The following USP42 variants were observed in gnomAD, a reference collection of about 807,000 sequenced individuals.
USP42 encodes ubiquitin specific peptidase 42, also known as ubiquitin carboxyl-terminal hydrolase 42.
USP42 carries 23 observed loss-of-function variants against 113.0 expected under a neutral mutation model. The observed-to-expected ratio is 0.20, with a 90% CI of 0.15 to 0.29. USP42 has a LOEUF of 0.29. Ranked by LOEUF, USP42 falls within the 10% of genes least tolerant of loss-of-function variation. USP42 has a pLI of 1.00. For missense variants in USP42, 2,174 were observed against 1,779.8 expected, an observed-to-expected ratio of 1.22 and a Z score of -3.99; for synonymous variants, 933 against 699.0, an observed-to-expected ratio of 1.33 and a Z score of -5.28.
chr7:6,106,988 A>C (rs1779318300), intron 1 of USP42, among the ~76,000 whole-genome samples: 1 of 152,260 alleles, frequency 6.6e-6, no homozygotes, highest in Non-Finnish European at 1.5e-5. Context: ...ACATGCAAGT[A>C]TATGAATCTT....
In USP42 at chr7:6,161,393, CTG is replaced by C. The variant is rs998933269; in HGVS notation, c.*877_*878del. ...GCATCAGGAGATGGAGTGGGGAAAA[CTG>C]TATTTAATACAGTTTGTATCTGAAT... On this transcript the variant is annotated 3_prime_UTR_variant, in exon 18 of 18. Coordinates refer to ENST00000306177, the MANE Select transcript of USP42 (RefSeq NM_032172.3). 1.1e-4 allele frequency: 17 copies of C among 152,538 alleles called. No individual in the cohort carries two copies. The highest frequency in any genetic ancestry group is 7.2e-4 in the Admixed American group (11 of 15,272). The allele number at this position is 152,538 out of a possible 1,614,324, so 9.4% of individuals were successfully genotyped here. A position where few individuals can be genotyped will look rare whatever the true frequency, so the allele number is the denominator to read the frequency against.
rs765114712 is a variant in USP42, at chr7:6,153,822, C to T, written c.2268C>T (p.Ala756=). 1 of 1,533,032 alleles carries T rather than the reference C, an allele frequency of 6.5e-7. No homozygotes were observed. 95.0% of individuals were successfully genotyped at this position (1,533,032 alleles called of 1,614,324 possible). ...RDAEPQPGSP[A]AESLEEPDAA... is the part of the protein sequence containing the mutation. The stretch of plus-strand genomic sequence containing the variant: ...CCGAGCCTCAGCCTGGCAGCCCCGC[C>T]GCCGAATCCCTGGAGGAGCCAGATG... Residue 756 remains alanine, a synonymous_variant, in exon 15 of 18, where the codon GCC becomes GCT. Coordinates refer to ENST00000306177, the MANE Select transcript of USP42 (RefSeq NM_032172.3).
chr7:6,082,686 C>T, the USP42 span, among the ~76,000 whole-genome samples: 1 of 139,642 alleles, frequency 7.2e-6, no homozygotes, highest in Admixed American at 7.5e-5. Context: ...TCTTGGCTCA[C>T]TGCAACATCT....
intron 3 of USP42, among the ~76,000 whole-genome samples, chr7:6,115,867 G>A (rs1043863981): frequency 6.6e-6 from 1 of 152,126 alleles, no homozygotes; most frequent in Non-Finnish European, 1.5e-5. Context: ...GAGAGACCGA[G>A]GAGAAAGGAT....
chr7:6,156,332 A>T (rs1407464677), intron 15 of USP42, among the ~76,000 whole-genome samples: 3 of 152,224 alleles, frequency 2.0e-5, no homozygotes, highest in Non-Finnish European at 4.4e-5. Context: ...TCCTCCCTGC[A>T]GTGTTTGTCC....
the USP42 span, among the ~76,000 whole-genome samples, chr7:6,090,673 C>T: frequency 6.8e-6 from 1 of 146,188 alleles, no homozygotes; most frequent in East Asian, 2.0e-4. Context: ...TGGGATCATG[C>T]CACTGCACTC....
chr7:6,143,701 A>G (rs1006840090), intron 8 of USP42, among the ~76,000 whole-genome samples: 2 of 152,068 alleles, frequency 1.3e-5, no homozygotes, highest in Admixed American at 6.5e-5. Flanking sequence ...CTCTTTTCAT[A>G]TAATAATTAT....
At chr7:6,104,659 C>T (rs1779148052), upstream of USP42, among the ~76,000 whole-genome samples, 2 of 152,282 alleles carry the variant, frequency 1.3e-5, no homozygotes, top group Admixed American at 6.5e-5. Context: ...GGAGCCCTTT[C>T]GCCGGCGCGC....
At chr7:6,148,527 C>T (rs1781849395) in intron 12 of USP42, among the ~76,000 whole-genome samples, 1 of 152,162 alleles carries the variant, frequency 6.6e-6, no homozygotes, top group South Asian at 2.1e-4. Flanking sequence ...GATCTGTTTA[C>T]AAGAACACGT....
chr7:6,115,792 T>TA (rs768236448), intron 3 of USP42, among the ~76,000 whole-genome samples: 13 of 152,016 alleles, frequency 8.6e-5, no homozygotes, highest in Non-Finnish European at 1.3e-4. Flanking sequence ...TTTCTACACT[T>TA]ACTAAAAAAA....
At chr7:6,093,495 C>G in the USP42 span, among the ~76,000 whole-genome samples, 1 of 150,928 alleles carries the variant, frequency 6.6e-6, no homozygotes, top group Non-Finnish European at 1.5e-5. Flanking sequence ...GTTGGCCAGG[C>G]TGGTCTCGAA....
At chr7:6,160,056 G>C (rs371139737) in intron 17 of USP42, among the ~76,000 whole-genome samples, 1 of 152,228 alleles carries the variant, frequency 6.6e-6, no homozygotes, top group Non-Finnish European at 1.5e-5. Context: ...TTCACACAGC[G>C]GTCCTGGGAG....
At chr7:6,155,295 C>T in intron 15 of USP42, 100 bp downstream of exon 15, 4 of 1,432,920 alleles carry the variant, frequency 2.8e-6, no homozygotes, top group African/African-American at 2.9e-5. Flanking sequence ...CCAGCCAGGC[C>T]ACAGTTGTAT....
chr7:6,150,394 T>C lies in USP42; in HGVS notation c.2107-18T>C. On this transcript the variant is annotated intron_variant, in intron 13 of 17. Coordinates refer to ENST00000306177, the MANE Select transcript of USP42 (RefSeq NM_032172.3). ...GGAGCTGGCGACTGAAGCTGAAATATTTTTGTTTTTATTGCAGTTGATGCC... is the reference window on the plus strand; with the variant it reads ...GGAGCTGGCGACTGAAGCTGAAATACTTTTGTTTTTATTGCAGTTGATGCC... The C allele has an allele frequency of 1.9e-6, 3 of 1,613,190 alleles. No individual in the cohort carries two copies. Among genetic ancestry groups the C allele is most frequent in the Non-Finnish European group, 2.5e-6 (3 of 1,179,212 alleles).
upstream of USP42, among the ~76,000 whole-genome samples, chr7:6,099,980 C>A (rs1010042536): frequency 2.2e-5 from 3 of 136,648 alleles, no homozygotes; most frequent in African/African-American, 8.6e-5. Context: ...AAAAAAAATT[C>A]TATTACTACC....
At chr7:6,125,196 A>C (rs1014404631) in intron 3 of USP42, among the ~76,000 whole-genome samples, 3 of 146,216 alleles carry the variant, frequency 2.1e-5, no homozygotes, top group Middle Eastern at 3.9e-3. Context: ...AAAAAAAAAA[A>C]AAAAAAAACA....
In USP42 at chr7:6,140,094, C is replaced by G. The variant is rs770348434; in HGVS notation, c.657-34C>G. On this transcript the variant is annotated intron_variant, in intron 5 of 17. Transcript: ENST00000306177. ...CACAGCATCTGGAGTTTTTGCAAAG[C>G]TCTTCTCTCATGTCACTGTTCAACG... 7 of 1,601,240 alleles carry G rather than the reference C, an allele frequency of 4.4e-6. No individual in the cohort carries two copies. The South Asian group carries it at 5.5e-5, about 13-fold the overall frequency.
At chr7:6,103,239 C>A (rs998921336), upstream of USP42, among the ~76,000 whole-genome samples, 1 of 150,982 alleles carries the variant, frequency 6.6e-6, no homozygotes, top group South Asian at 2.1e-4. Context: ...TAAGCCTGTA[C>A]AATGCTAGGA....
intron 10 of USP42, 36 bp downstream of exon 10, chr7:6,145,692 A>G: frequency 6.3e-7 from 1 of 1,594,570 alleles, no homozygotes; most frequent in Non-Finnish European, 8.6e-7. Context: ...CTATTGTTAC[A>G]TACATGCTAT....
Sources: allele counts gnomAD v4.1 joint callset (sites outside exome capture counted in the v4.1 genomes callset), GRCh38; gene constraint gnomAD v4.1.1; transcripts MANE v1.5; gene names NCBI Gene and HGNC (gene_info 2026-07-23, HGNC 2026-07-21).